CNBD2: variants seen among roughly 807,000 people sequenced by gnomAD.
The protein encoded by CNBD2 is cyclic nucleotide binding domain containing 2.
In CNBD2, 64 loss-of-function variants were observed where a neutral mutation model predicts 63.7. The ratio of observed to expected loss-of-function variants is 1.00; its 90% CI spans 0.82 to 1.24. CNBD2 has a LOEUF of 1.24. Ranked by LOEUF, CNBD2 falls within the 50% of genes most tolerant of loss-of-function variation. The probability of loss-of-function intolerance (pLI) is 0.00; values close to 1 mark genes in which losing one functional copy is unlikely to be tolerated. For synonymous variants in CNBD2, 229 were observed against 255.4 expected, an observed-to-expected ratio of 0.90 and a Z score of 0.99; for missense variants, 691 against 713.5, an observed-to-expected ratio of 0.97 and a Z score of 0.36.
At chr20:36,012,477 C>A (rs561867822) in intron 10 of CNBD2, among the ~76,000 whole-genome samples, 25 of 140,028 alleles carry the variant, frequency 1.8e-4, no homozygotes, top group South Asian at 4.5e-4. Context: ...AACTCCATCT[C>A]AAAAAAAAAA....
chr20:35,971,189 C>T (rs2056412481), intron 1 of CNBD2, among the ~76,000 whole-genome samples: 2 of 151,446 alleles, frequency 1.3e-5, no homozygotes, highest in African/African-American at 4.9e-5. Flanking sequence ...CCTCGTGATC[C>T]GCCCGCCTCG....
intron 10 of CNBD2, among the ~76,000 whole-genome samples, chr20:36,020,121 C>T (rs1485448246): frequency 3.3e-5 from 5 of 151,842 alleles, no homozygotes; most frequent in Non-Finnish European, 5.9e-5. Context: ...CTCGCTGTGT[C>T]GCCCAGGCTG....
intron 2 of CNBD2, among the ~76,000 whole-genome samples, chr20:35,975,272 A>G (rs1296623270): frequency 2.3e-5 from 3 of 132,042 alleles, no homozygotes; most frequent in Non-Finnish European, 4.8e-5. Context: ...AAGTGCTGGG[A>G]TTACAGGCGT....
intron 10 of CNBD2, among the ~76,000 whole-genome samples, chr20:36,011,809 C>T (rs2794374): frequency 0.036 from 5,417 of 152,212 alleles, 339 homozygotes; most frequent in African/African-American, 0.12. Context: ...TCACAGGATA[C>T]AAAATTAATA....
intron 2 of CNBD2, among the ~76,000 whole-genome samples, chr20:35,961,337 A>T (rs1171112651): frequency 6.6e-6 from 1 of 151,886 alleles, no homozygotes; most frequent in Non-Finnish European, 1.5e-5. Context: ...TTCTGGAATG[A>T]CCTTCTCTTC....
chr20:35,989,558 G>T (rs2056714341), intron 7 of CNBD2, among the ~76,000 whole-genome samples: 2 of 152,142 alleles, frequency 1.3e-5, no homozygotes, highest in Admixed American at 1.3e-4. Flanking sequence ...CTGACATATT[G>T]AACCATTAGG....
At chr20:35,990,928 G>C (rs1428340177) in intron 7 of CNBD2, among the ~76,000 whole-genome samples, 1 of 152,096 alleles carries the variant, frequency 6.6e-6, no homozygotes, top group Non-Finnish European at 1.5e-5. Flanking sequence ...TCCAGCCTGG[G>C]TGACAGAGTC....
At chr20:35,961,063 G>A (rs1014440493) in intron 2 of CNBD2, among the ~76,000 whole-genome samples, 11 of 152,048 alleles carry the variant, frequency 7.2e-5, no homozygotes, top group Admixed American at 3.3e-4. Flanking sequence ...TCGAGTAGCT[G>A]GGATTACAGA....
intron 3 of CNBD2, among the ~76,000 whole-genome samples, chr20:35,979,751 C>A (rs1454957826): frequency 1.3e-5 from 2 of 152,148 alleles, no homozygotes; most frequent in Admixed American, 6.5e-5. Context: ...CACGAGAAAA[C>A]CCAGGGGACA....
chr20:35,983,477 A>T (rs1348407712), intron 4 of CNBD2, among the ~76,000 whole-genome samples: 1 of 152,042 alleles, frequency 6.6e-6, no homozygotes. Flanking sequence ...TAATTATGAT[A>T]AGACCATTAT....
intron 8 of CNBD2, among the ~76,000 whole-genome samples, chr20:36,005,179 C>T (rs1309760177): frequency 6.6e-6 from 1 of 152,178 alleles, no homozygotes; most frequent in Non-Finnish European, 1.5e-5. Context: ...GTTCAGCGGT[C>T]CCCAAACTTT....
chr20:35,991,871 T>A (rs2056750369), intron 7 of CNBD2, among the ~76,000 whole-genome samples: 1 of 151,968 alleles, frequency 6.6e-6, no homozygotes, highest in Non-Finnish European at 1.5e-5. Context: ...TGGGAACTCA[T>A]TTCTTCTTCT....
intron 8 of CNBD2, among the ~76,000 whole-genome samples, chr20:36,001,681 G>T (rs1240152740): frequency 6.6e-6 from 1 of 150,454 alleles, no homozygotes; most frequent in Non-Finnish European, 1.5e-5. Flanking sequence ...CTTCTCAGAC[G>T]GGGCGGCCGG....
intron 3 of CNBD2, among the ~76,000 whole-genome samples, chr20:35,979,431 A>T (rs1232853030): frequency 1.3e-5 from 2 of 152,148 alleles, no homozygotes; most frequent in African/African-American, 2.4e-5. Context: ...AGTTTTACAA[A>T]TTTTTTTGTA....
chr20:35,964,298 G>A (rs570071877), upstream of CNBD2, among the ~76,000 whole-genome samples: 190 of 150,758 alleles, frequency 1.3e-3, no homozygotes, highest in Non-Finnish European at 2.0e-3. Context: ...CTCCTGTCTC[G>A]GCCTCCCTAA....
chr20:35,998,453 C>T (rs2056855155), intron 8 of CNBD2, among the ~76,000 whole-genome samples: 8 of 152,050 alleles, frequency 5.3e-5, no homozygotes, highest in Admixed American at 5.2e-4. Flanking sequence ...GTTTCATTTG[C>T]ATTTGAAAAA....
chr20:36,003,224 A>G (rs1399750854), intron 8 of CNBD2, among the ~76,000 whole-genome samples: 1 of 152,158 alleles, frequency 6.6e-6, no homozygotes, highest in Non-Finnish European at 1.5e-5. Flanking sequence ...CAATGCCCTT[A>G]TGTACTAATT....
chr20:36,004,443 G>A (rs2056957233), intron 8 of CNBD2, among the ~76,000 whole-genome samples: 1 of 152,118 alleles, frequency 6.6e-6, no homozygotes, highest in Non-Finnish European at 1.5e-5. Flanking sequence ...CTCCATCTGA[G>A]TTCCCCCTCC....
At chr20:36,013,137 A>C (rs1277945456) in intron 10 of CNBD2, among the ~76,000 whole-genome samples, 2 of 151,454 alleles carry the variant, frequency 1.3e-5, no homozygotes, top group Admixed American at 6.6e-5. Context: ...AAAAAAAATC[A>C]GCCAGGCATA....
Sources: allele counts gnomAD v4.1 joint callset (sites outside exome capture counted in the v4.1 genomes callset), GRCh38; gene constraint gnomAD v4.1.1; transcripts MANE v1.5; gene names NCBI Gene and HGNC (gene_info 2026-07-23, HGNC 2026-07-21).